The following GABRG3 variants were observed in gnomAD, a reference collection of about 807,000 sequenced individuals.
The protein encoded by GABRG3 is gamma-aminobutyric acid receptor subunit gamma-3.
In GABRG3, 25 loss-of-function variants were observed where a neutral mutation model predicts 48.8. That is an observed-to-expected ratio of 0.51 (90% confidence interval 0.37 to 0.72). The LOEUF (loss-of-function observed/expected upper bound fraction) is 0.72. Ranked by LOEUF, GABRG3 falls within the 30% of genes least tolerant of loss-of-function variation. The pLI is 0.00. For missense variants in GABRG3, 394 were observed against 577.9 expected, an observed-to-expected ratio of 0.68 and a Z score of 3.26; for synonymous variants, 227 against 217.6, an observed-to-expected ratio of 1.04 and a Z score of -0.38.
At chr15:27,442,482 C>T (rs1019472878) in intron 5 of GABRG3, among the ~76,000 whole-genome samples, 2 of 152,200 alleles carry the variant, frequency 1.3e-5, no homozygotes, top group African/African-American at 2.4e-5. Flanking sequence ...TCTGCTGCTC[C>T]GGGCGGCACA....
chr15:27,208,729 CAAATA>C (rs1174363110), intron 3 of GABRG3: 6 of 152,428 alleles, frequency 3.9e-5, no homozygotes, highest in African/African-American at 1.4e-4. Flanking sequence ...GTTTTCCTAC[CAAATA>C]AAATAATGCC....
chr15:27,507,005 A>T (rs371578899), intron 6 of GABRG3, among the ~76,000 whole-genome samples: 7 of 152,140 alleles, frequency 4.6e-5, no homozygotes, highest in African/African-American at 1.7e-4. Flanking sequence ...TGTGTTACAC[A>T]ATTTTCATAA....
chr15:27,232,084 T>C (rs1889818009), intron 3 of GABRG3, among the ~76,000 whole-genome samples: 1 of 152,222 alleles, frequency 6.6e-6, no homozygotes, highest in Non-Finnish European at 1.5e-5. Flanking sequence ...AAAATACTTT[T>C]TTAATATATG....
At chr15:27,493,595 A>G (rs934612396) in intron 6 of GABRG3, among the ~76,000 whole-genome samples, 1 of 152,228 alleles carries the variant, frequency 6.6e-6, no homozygotes, top group Non-Finnish European at 1.5e-5. Context: ...TTTCTGAAAG[A>G]CTGCTCTGAA....
In GABRG3 at chr15:27,414,292, G is replaced by A. The variant is rs571904420; in HGVS notation, c.575-66358G>A. Among the ~76,000 whole-genome samples the A allele has an allele frequency of 1.1e-4, 16 of 152,098 alleles. No individual in the cohort carries two copies. The East Asian group carries it at 1.6e-3, about 15-fold the overall frequency. On this transcript the variant is annotated intron_variant, in intron 5 of 9. Transcript: ENST00000615808. ...TTCTCTCTTTCTGGCTCTTCTTGCCGTCACCTGCCTCTTTCTTCCGTGCTG... is the reference window on the plus strand; with the variant it reads ...TTCTCTCTTTCTGGCTCTTCTTGCCATCACCTGCCTCTTTCTTCCGTGCTG...
At chr15:27,140,358 C>G (rs75225599) in intron 3 of GABRG3, among the ~76,000 whole-genome samples, 3 of 151,978 alleles carry the variant, frequency 2.0e-5, no homozygotes. Context: ...TGCTTGCTTG[C>G]TTGTTGATGG....
At chr15:27,184,011 T>C (rs929320176) in intron 3 of GABRG3, among the ~76,000 whole-genome samples, 9 of 151,864 alleles carry the variant, frequency 5.9e-5, no homozygotes, top group African/African-American at 2.2e-4. Context: ...CAAACAGGAG[T>C]TTATTAACGT....
At chr15:27,159,969 C>A (rs573816567) in intron 3 of GABRG3, among the ~76,000 whole-genome samples, 1 of 152,294 alleles carries the variant, frequency 6.6e-6, no homozygotes, top group South Asian at 2.1e-4. Context: ...AGCCAACCTC[C>A]ATGGCCACAG....
chr15:27,046,430 C>T (rs757026393), intron 3 of GABRG3, among the ~76,000 whole-genome samples: 2 of 152,114 alleles, frequency 1.3e-5, no homozygotes, highest in Middle Eastern at 3.2e-3. Flanking sequence ...AAGTTGTTTC[C>T]CCTTACTCAG....
At chr15:27,031,075 C>G (rs1030889221) in intron 3 of GABRG3, among the ~76,000 whole-genome samples, 1 of 151,700 alleles carries the variant, frequency 6.6e-6, no homozygotes, top group Non-Finnish European at 1.5e-5. Flanking sequence ...CACACACACA[C>G]ACACACACAC....
chr15:27,176,277 C>G (rs1487955276), intron 3 of GABRG3, among the ~76,000 whole-genome samples: 1 of 152,146 alleles, frequency 6.6e-6, no homozygotes, highest in East Asian at 1.9e-4. Flanking sequence ...AATCCATGCT[C>G]CCACAAAGCA....
intron 5 of GABRG3, among the ~76,000 whole-genome samples, chr15:27,410,120 A>G (rs1436917617): frequency 6.6e-6 from 1 of 152,210 alleles, no homozygotes; most frequent in Non-Finnish European, 1.5e-5. Context: ...AGTTTCAGTT[A>G]TAAGTAGATA....
At chr15:27,028,805 CAAAAA>C (rs35610809) in intron 3 of GABRG3, among the ~76,000 whole-genome samples, 6 of 102,552 alleles carry the variant, frequency 5.9e-5, no homozygotes, top group African/African-American at 1.5e-4. Flanking sequence ...GACTTCATCT[CAAAAA>C]AAAAAAAAAA....
chr15:27,269,504 C>T (rs1891016993), intron 3 of GABRG3, among the ~76,000 whole-genome samples: 1 of 152,172 alleles, frequency 6.6e-6, no homozygotes, highest in African/African-American at 2.4e-5. Context: ...CTAACCATCA[C>T]TTCCCCACAC....
At chr15:27,461,985 G>A (rs1889464764) in intron 5 of GABRG3, among the ~76,000 whole-genome samples, 1 of 152,108 alleles carries the variant, frequency 6.6e-6, no homozygotes, top group Admixed American at 6.5e-5. Context: ...TGGTGAACAT[G>A]CCCATTGTCT....
At chr15:27,002,805 G>A (rs1375281069) in intron 2 of GABRG3, among the ~76,000 whole-genome samples, 3 of 149,772 alleles carry the variant, frequency 2.0e-5, no homozygotes, top group Non-Finnish European at 4.4e-5. Flanking sequence ...GAGAAAGAGA[G>A]AAAGAGAGAA....
At chr15:27,391,807 T>G (rs72705714) in intron 5 of GABRG3, among the ~76,000 whole-genome samples, 8,219 of 152,300 alleles carry the variant, frequency 0.054, 328 homozygotes, top group East Asian at 0.18. Context: ...AAAACACGGT[T>G]ATATGATCTC....
At chr15:27,417,661 G>A (rs1217273693) in intron 5 of GABRG3, among the ~76,000 whole-genome samples, 2 of 152,126 alleles carry the variant, frequency 1.3e-5, no homozygotes, top group South Asian at 2.1e-4. Flanking sequence ...TCTGGTTACT[G>A]CCACTGTCTC....
chr15:27,401,549 T>A (rs1482479886), intron 5 of GABRG3, among the ~76,000 whole-genome samples: 1 of 152,198 alleles, frequency 6.6e-6, no homozygotes, highest in East Asian at 1.9e-4. Flanking sequence ...ATATTTAAAT[T>A]TCTCCCTCTC....
Sources: allele counts gnomAD v4.1 joint callset (sites outside exome capture counted in the v4.1 genomes callset), GRCh38; gene constraint gnomAD v4.1.1; transcripts MANE v1.5; gene names NCBI Gene and HGNC (gene_info 2026-07-23, HGNC 2026-07-21).